The following AGBL4 variants were observed in gnomAD, a reference collection of about 807,000 sequenced individuals.
AGBL4 encodes AGBL carboxypeptidase 4.
In AGBL4, 58 loss-of-function variants were observed where a neutral mutation model predicts 66.4. That is an observed-to-expected ratio of 0.87 (90% CI 0.71 to 1.09). The LOEUF (loss-of-function observed/expected upper bound fraction) is 1.09, where lower values mean the gene tolerates loss of function less well. Ranked by LOEUF, AGBL4 falls within the 50% of genes least tolerant of loss-of-function variation. The probability of loss-of-function intolerance (pLI) is 0.00; values close to 1 mark genes in which losing one functional copy is unlikely to be tolerated. For missense variants in AGBL4, 579 were observed against 631.0 expected (o/e 0.92, Z 0.88); for synonymous variants, 234 against 222.9 (o/e 1.05, Z -0.44).
chr1:49,167,103 T>C (rs1414819462), intron 4 of AGBL4, among the ~76,000 whole-genome samples: 5 of 152,196 alleles, frequency 3.3e-5, no homozygotes, highest in Non-Finnish European at 5.9e-5. Context: ...GCTTTGATCA[T>C]TGCCTTCCTG....
intron 6 of AGBL4, among the ~76,000 whole-genome samples, chr1:48,698,809 A>G (rs991844688): frequency 1.3e-5 from 2 of 152,126 alleles, no homozygotes; most frequent in African/African-American, 4.8e-5. Flanking sequence ...CTGTTGTCCT[A>G]TTTTATAGAT....
At chr1:48,761,261 C>G in intron 6 of AGBL4, 1 of 1,424,516 alleles carries the variant, frequency 7.0e-7, no homozygotes, top group Non-Finnish European at 9.4e-7. Flanking sequence ...GAGAGGAAGC[C>G]AGACTGAAAC....
chr1:49,600,718 A>T (rs1644940941), intron 3 of AGBL4, among the ~76,000 whole-genome samples: 1 of 152,092 alleles, frequency 6.6e-6, no homozygotes, highest in Admixed American at 6.6e-5. Flanking sequence ...TGGTCTTTAC[A>T]ATTTGGTATG....
chr1:49,265,282 T>C (rs978443541), intron 3 of AGBL4, among the ~76,000 whole-genome samples: 1 of 152,186 alleles, frequency 6.6e-6, no homozygotes, highest in Non-Finnish European at 1.5e-5. Context: ...GAAAAGCTCT[T>C]TGGAGTACGT....
intron 3 of AGBL4, among the ~76,000 whole-genome samples, chr1:49,273,654 G>T (rs990537087): frequency 1.3e-5 from 2 of 151,414 alleles, no homozygotes; most frequent in Non-Finnish European, 2.9e-5. Flanking sequence ...ATATTAAAAA[G>T]ATTTTTGTTT....
the AGBL4 span, among the ~76,000 whole-genome samples, chr1:48,524,094 C>T: frequency 6.6e-6 from 1 of 152,126 alleles, no homozygotes; most frequent in African/African-American, 2.4e-5. Flanking sequence ...CAGCTGTGTG[C>T]CCTTCACTTT....
At chr1:49,724,750 G>A (rs536472711) in intron 2 of AGBL4, among the ~76,000 whole-genome samples, 34 of 152,118 alleles carry the variant, frequency 2.2e-4, no homozygotes, top group African/African-American at 8.2e-4. Context: ...GTTCTTATAA[G>A]AAGAGACACC....
At chr1:49,639,441 A>G (rs72901860) in intron 3 of AGBL4, among the ~76,000 whole-genome samples, 2,809 of 152,282 alleles carry the variant, frequency 0.018, 81 homozygotes, top group African/African-American at 0.064. Context: ...ATGTCTCAGA[A>G]CCACTATCAA....
At position 49,948,109 on chromosome 1, in the gene AGBL4, T is replaced by C. The variant is rs866979433; in HGVS notation, c.34+75654A>G. Reference sequence around the variant, plus strand: ...AAATATATGTATATGTATATATATGTAAATGTATGTAAATATATATAAATA... The same window carrying C: ...AAATATATGTATATGTATATATATGCAAATGTATGTAAATATATATAAATA... On this transcript the variant is annotated intron_variant, in intron 1 of 13. Coordinates refer to ENST00000371839, the MANE Select transcript of AGBL4 (RefSeq NM_032785.4). Among the ~76,000 whole-genome samples the C allele has an allele frequency of 9.4e-5, 8 of 84,970 alleles. No individual in the cohort carries two copies. The South Asian group carries it at 1.8e-3, about 19-fold the overall frequency. The allele number at this position is 84,970 out of a possible 152,430, so 55.7% of individuals were successfully genotyped here. A position where few individuals can be genotyped will look rare whatever the true frequency, so the allele number is the denominator to read the frequency against.
chr1:48,562,154 T>C (rs1644406284), intron 11 of AGBL4, among the ~76,000 whole-genome samples: 2 of 152,214 alleles, frequency 1.3e-5, no homozygotes, highest in Admixed American at 6.5e-5. Context: ...GTGAGTAAGA[T>C]GTCAAGTCTC....
intron 9 of AGBL4, among the ~76,000 whole-genome samples, chr1:48,600,663 C>T (rs1645061903): frequency 6.6e-6 from 1 of 152,270 alleles, no homozygotes; most frequent in South Asian, 2.1e-4. Flanking sequence ...AGATTCAAAA[C>T]CAAGTGTTTC....
In AGBL4 at chr1:49,417,229, C is replaced by T. The variant is rs190544056; in HGVS notation, c.283-171365G>A. On this transcript the variant is annotated intron_variant, in intron 3 of 13. Coordinates refer to ENST00000371839, the MANE Select transcript of AGBL4 (RefSeq NM_032785.4). Reference sequence around the variant, plus strand: ...GAATTCAGTGCTAGAAACAAGCAAGCTGTTTTTCAAAGCTAAAGGAGGTTA... The same window carrying T: ...GAATTCAGTGCTAGAAACAAGCAAGTTGTTTTTCAAAGCTAAAGGAGGTTA... Among the ~76,000 whole-genome samples the T allele has an allele frequency of 2.0e-5, 3 of 152,102 alleles. No homozygotes were observed. In the East Asian group the frequency reaches 5.8e-4, roughly 29 times the overall value.
intron 4 of AGBL4, among the ~76,000 whole-genome samples, chr1:49,159,134 G>T (rs1025332458): frequency 6.6e-6 from 1 of 151,878 alleles, no homozygotes; most frequent in Non-Finnish European, 1.5e-5. Flanking sequence ...TTGCCCATTA[G>T]TTGATTCTGT....
At chr1:49,604,051 T>C (rs1645019297) in intron 3 of AGBL4, among the ~76,000 whole-genome samples, 1 of 152,144 alleles carries the variant, frequency 6.6e-6, no homozygotes. Context: ...CATGTAGTTA[T>C]GTTTTTGATA....
chr1:49,912,959 T>C (rs999304139), intron 1 of AGBL4, among the ~76,000 whole-genome samples: 2 of 152,228 alleles, frequency 1.3e-5, no homozygotes, highest in Non-Finnish European at 2.9e-5. Flanking sequence ...AATCACCTCT[T>C]AATGGTCCCC....
intron 6 of AGBL4, among the ~76,000 whole-genome samples, chr1:48,804,884 C>CTG (rs1268271869): frequency 6.6e-6 from 1 of 152,146 alleles, no homozygotes; most frequent in Non-Finnish European, 1.5e-5. Flanking sequence ...TTATTGTTTG[C>CTG]TGGGGATGGA....
intron 5 of AGBL4, among the ~76,000 whole-genome samples, chr1:48,900,508 T>G (rs968860373): frequency 1.3e-5 from 2 of 152,200 alleles, no homozygotes; most frequent in Admixed American, 6.5e-5. Context: ...CCTACAGTAA[T>G]CAAGACAGTG....
intron 3 of AGBL4, among the ~76,000 whole-genome samples, chr1:49,544,085 A>T (rs1652287422): frequency 6.6e-6 from 1 of 152,158 alleles, no homozygotes; most frequent in African/African-American, 2.4e-5. Context: ...ACATACAATG[A>T]CTCAGGTAAC....
intron 2 of AGBL4, among the ~76,000 whole-genome samples, chr1:49,757,217 T>A (rs991381468): frequency 1.3e-5 from 2 of 152,182 alleles, no homozygotes; most frequent in African/African-American, 4.8e-5. Context: ...CCTTCTGCCA[T>A]GATTGTATAT....
Sources: gnomAD v4.1 joint callset for allele counts (sites outside exome capture counted in the v4.1 genomes callset) on GRCh38, gnomAD v4.1.1 for gene constraint, MANE v1.5 for transcripts, NCBI Gene and HGNC (gene_info 2026-07-23, HGNC 2026-07-21) for gene names.